The following GTPBP6 variants were observed in gnomAD, a reference collection of about 807,000 sequenced individuals.
The protein encoded by GTPBP6 is putative GTP-binding protein 6.
GTPBP6 carries 33 observed loss-of-function variants against 28.9 expected under a neutral mutation model. That is an observed-to-expected ratio of 1.14 (90% CI 0.87 to 1.53). GTPBP6 has a LOEUF of 1.53. GTPBP6 is among the 40% of genes most tolerant of loss of function. The probability of loss-of-function intolerance (pLI) is 0.00; values close to 1 mark genes in which losing one functional copy is unlikely to be tolerated. For synonymous variants in GTPBP6, 231 were observed against 192.7 expected, an observed-to-expected ratio of 1.20 and a Z score of -1.65; for missense variants, 507 against 408.3, an observed-to-expected ratio of 1.24 and a Z score of -2.08.
chrX:318,349 T>A, intron 1 of GTPBP6, 90 bp downstream of exon 1: 1 of 332,304 alleles, frequency 3.0e-6, no homozygotes, highest in Non-Finnish European at 5.1e-6. Context: ...GCCCCGCCCC[T>A]GAATCTCCAC....
exon 9 of GTPBP6, chrX:307,390 A>C (rs745812690): frequency 6.2e-7 from 1 of 1,612,460 alleles, no homozygotes; most frequent in Non-Finnish European, 8.5e-7. Context: ...CCTCACACGG[A>C]GAGTGAGGAT....
intron 2 of GTPBP6, among the ~76,000 whole-genome samples, chrX:316,000 GAC>G (rs1276788729): frequency 1.4e-4 from 3 of 20,860 alleles, no homozygotes; most frequent in African/African-American, 2.3e-4. Flanking sequence ...TACACACGCA[GAC>G]ACACACACAC....
At position 314,142 on chromosome X, in the gene GTPBP6, CGA is replaced by C. The variant is rs779390146; in HGVS notation, c.757+6_757+7del. The C allele has an allele frequency of 5.8e-5, 93 of 1,610,492 alleles. No individual in the cohort carries two copies. In the East Asian group the frequency reaches 2.1e-3, roughly 36 times the overall value. ...ACCCTCTGGGACGCCGCGCCCGGCCCGAGTTACCTGACCCCATGATGTAGCGC... is the reference window on the plus strand; with the variant it reads ...ACCCTCTGGGACGCCGCGCCCGGCCCGTTACCTGACCCCATGATGTAGCGC... On this transcript the variant is annotated splice_donor_region_variant and intron_variant, in intron 5 of 9. Coordinates refer to ENST00000326153, the Ensembl canonical transcript of GTPBP6.
chrX:310,282 G>A (rs191233717), intron 7 of GTPBP6, among the ~76,000 whole-genome samples: 3,180 of 144,564 alleles, frequency 0.022, 200 homozygotes, highest in African/African-American at 0.082. Context: ...AGACAGAAGA[G>A]GAGACACAGA....
chrX:310,369 A>T (rs1382832394), intron 7 of GTPBP6, among the ~76,000 whole-genome samples: 5 of 130,930 alleles, frequency 3.8e-5, no homozygotes, highest in African/African-American at 1.4e-4. Context: ...TGGAGCCCCC[A>T]GGAGCTGGGA....
intron 9 of GTPBP6, among the ~76,000 whole-genome samples, chrX:306,571 T>TAC (rs1265262677): frequency 1.3e-5 from 2 of 150,554 alleles, no homozygotes; most frequent in Non-Finnish European, 3.0e-5. Flanking sequence ...GTCAGAAATG[T>TAC]ATTTTTACTG....
rs1307380290 is a variant in GTPBP6, at chrX:316,924, C to G, written c.477G>C (p.Glu159Asp). The change falls in exon 2 of 10, where the codon GAG becomes GAC. Residue 159 changes from glutamate (E) to aspartate (D), a missense_variant. Transcript: ENST00000326153. ...TCTGGACGGACCCACCTGTCAGGTG[C>G]TCAAAGTTCCCTTTGCCAAAGATGA... 5.3e-5 allele frequency: 21 copies of G among 398,548 alleles called. No individual in the cohort carries two copies. The East Asian group carries it at 7.5e-4, about 14-fold the overall frequency. 24.7% of individuals were successfully genotyped at this position (398,548 alleles called of 1,614,324 possible).
At chrX:311,566 C>A (rs1354670376) in exon 7 of GTPBP6, 1 of 1,612,280 alleles carries the variant, frequency 6.2e-7, no homozygotes, top group African/African-American at 1.3e-5. Flanking sequence ...GCGTGGCAAA[C>A]AGCTGGTCCC....
At position 311,752 on chromosome X, in the gene GTPBP6, C is replaced by A. The variant is rs1304126029; in HGVS notation, c.917-125G>T. On this transcript the variant is annotated intron_variant, in intron 6 of 9. Transcript: ENST00000326153. ...GGGGCCGCACCCCGGGCTACACGGT[C>A]CCTGAGCTCCTCGGGCACCCCGGGC... 9.6e-5 allele frequency: 74 copies of A among 773,716 alleles called. 1 individual carries two copies. Among genetic ancestry groups the A allele is most frequent in the South Asian group, 9.3e-4 (60 of 64,560 alleles). 47.9% of individuals were successfully genotyped at this position (773,716 alleles called of 1,614,324 possible).
exon 10 of GTPBP6, chrX:304,901 C>A: frequency 6.9e-7 from 1 of 1,446,070 alleles, no homozygotes; most frequent in East Asian, 2.5e-5. Context: ...CAGGTGCGGC[C>A]GTGTCACCGG....
intron 9 of GTPBP6, 78 bp from the exon 10 acceptor site, chrX:305,275 T>C: frequency 1.8e-6 from 2 of 1,117,738 alleles, no homozygotes; most frequent in South Asian, 2.5e-5. Flanking sequence ...ATAATTACGC[T>C]AAAAAGAGCT....
At chrX:306,549 CTG>C (rs1420836437) in intron 9 of GTPBP6, among the ~76,000 whole-genome samples, 1 of 150,584 alleles carries the variant, frequency 6.6e-6, no homozygotes, top group Admixed American at 6.6e-5. Context: ...GATTAGGCAA[CTG>C]TTGTATGCAG....
rs746492249 is a variant in GTPBP6, at chrX:305,032, G to A, written c.*42C>T. 21 of 1,605,780 alleles carry A rather than the reference G, an allele frequency of 1.3e-5. No homozygotes were observed. The Middle Eastern group carries it at 6.0e-4, about 46-fold the overall frequency. ...ACAGCGGTAACGCCTCAGCTCCCCA[G>A]GCAGCGATGCCCCCACCCCGCAGGC... On this transcript the variant is annotated 3_prime_UTR_variant, in exon 10 of 10. Coordinates refer to ENST00000326153, the Ensembl canonical transcript of GTPBP6.
At chrX:307,368 C>T (rs764746405) in exon 9 of GTPBP6, 25 of 1,611,926 alleles carry the variant, frequency 1.6e-5, no homozygotes, top group African/African-American at 1.3e-4. Flanking sequence ...ACCTGAGCTG[C>T]GCCCCTGCGA....
chrX:312,669 A>C (rs1447835857), intron 6 of GTPBP6, 97 bp downstream of exon 6: 1 of 1,270,938 alleles, frequency 7.9e-7, no homozygotes, highest in South Asian at 1.2e-5. Context: ...GTCGTACGGC[A>C]CCACTGAGAC....
exon 7 of GTPBP6, chrX:311,460 T>A: frequency 6.5e-7 from 1 of 1,539,780 alleles, no homozygotes; most frequent in Non-Finnish European, 8.7e-7. Context: ...AAGGACTCGA[T>A]GAGGCCGTGC....
chrX:309,452 C>T (rs760628317), intron 7 of GTPBP6, among the ~76,000 whole-genome samples: 17 of 146,614 alleles, frequency 1.2e-4, no homozygotes, highest in South Asian at 2.4e-4. Context: ...AACGACCGAC[C>T]GGTATGTTTA....
In GTPBP6 at chrX:311,308, TGGGCTGAGTGGGTGTCC is replaced by T. The variant is rs1445296981; in HGVS notation, c.1125+94_1125+110del. 6,345 of 787,230 alleles carry T rather than the reference TGGGCTGAGTGGGTGTCC, an allele frequency of 8.1e-3. 70 individuals carry two copies. Among genetic ancestry groups the T allele is most frequent in the African/African-American group, 0.01 (589 of 57,676 alleles). The allele number at this position is 787,230 out of a possible 1,614,324, so 48.8% of individuals were successfully genotyped here. Reference sequence around the variant, plus strand: ...AGTGGGTGTCCGAGGGCCCGGCCCCTGGGCTGAGTGGGTGTCCGAGGGCCCGACCCCTGGCTGTGTGT... The same window carrying T: ...AGTGGGTGTCCGAGGGCCCGGCCCCTGAGGGCCCGACCCCTGGCTGTGTGT... On this transcript the variant is annotated intron_variant, in intron 7 of 9. Coordinates refer to ENST00000326153, the Ensembl canonical transcript of GTPBP6.
At chrX:316,605 C>G (rs1241214676) in intron 2 of GTPBP6, among the ~76,000 whole-genome samples, 1 of 152,214 alleles carries the variant, frequency 6.6e-6, no homozygotes, top group Non-Finnish European at 1.5e-5. Context: ...TGGCTGGGGC[C>G]TGCAGGGGCA....
Sources: gnomAD v4.1 joint callset for allele counts (sites outside exome capture counted in the v4.1 genomes callset) on GRCh38, gnomAD v4.1.1 for gene constraint, MANE v1.5 for transcripts, NCBI Gene and HGNC (gene_info 2026-07-23, HGNC 2026-07-21) for gene names.